Variants in FBXL7 observed in about 807,000 individuals in gnomAD.
The protein encoded by FBXL7 is F-box/LRR-repeat protein 7.
A neutral mutation model predicts 38.3 loss-of-function variants in FBXL7; 12 were observed. That is an observed-to-expected ratio of 0.31 (90% CI 0.20 to 0.51). The LOEUF (loss-of-function observed/expected upper bound fraction) is 0.51. Among genes scored for constraint, FBXL7 ranks in the 20% least tolerant of loss-of-function variants. The pLI, the probability that FBXL7 is intolerant of heterozygous loss-of-function variation, is 0.98. For synonymous variants in FBXL7, 297 were observed against 300.9 expected, an observed-to-expected ratio of 0.99 and a Z score of 0.13; for missense variants, 567 against 676.4, an observed-to-expected ratio of 0.84 and a Z score of 1.79.
intron 1 of FBXL7, among the ~76,000 whole-genome samples, chr5:15,550,342 T>G (rs1313691611): frequency 6.6e-6 from 1 of 152,178 alleles, no homozygotes; most frequent in Non-Finnish European, 1.5e-5. Context: ...TTTAACAGGC[T>G]CAGGTAGCTG....
intron 1 of FBXL7, among the ~76,000 whole-genome samples, chr5:15,563,644 T>C (rs1738480655): frequency 6.6e-6 from 1 of 152,088 alleles, no homozygotes; most frequent in East Asian, 1.9e-4. Context: ...CTAAAGAGTT[T>C]GCTCTTTCCA....
chr5:15,630,455 G>A (rs1051956297), intron 2 of FBXL7, among the ~76,000 whole-genome samples: 2 of 150,860 alleles, frequency 1.3e-5, no homozygotes, highest in African/African-American at 4.9e-5. Context: ...TGGCTGAATT[G>A]GTTTGTTTAA....
At chr5:15,534,105 G>A (rs538926353) in intron 1 of FBXL7, among the ~76,000 whole-genome samples, 21 of 152,178 alleles carry the variant, frequency 1.4e-4, no homozygotes, top group African/African-American at 3.4e-4. Context: ...CAGGCACAGC[G>A]TCCTGCACTG....
chr5:15,858,024 G>A (rs1739321561), intron 2 of FBXL7, among the ~76,000 whole-genome samples: 2 of 152,160 alleles, frequency 1.3e-5, no homozygotes, highest in African/African-American at 4.8e-5. Context: ...AGAAAATGTA[G>A]TATTCACCAG....
chr5:15,926,272 A>G (rs915763916), intron 2 of FBXL7, among the ~76,000 whole-genome samples: 2 of 150,060 alleles, frequency 1.3e-5, no homozygotes, highest in Non-Finnish European at 3.0e-5. Context: ...ATTACCATAT[A>G]TATCCAACGT....
intron 2 of FBXL7, among the ~76,000 whole-genome samples, chr5:15,703,180 A>C (rs911815694): frequency 6.6e-6 from 1 of 152,210 alleles, no homozygotes; most frequent in Non-Finnish European, 1.5e-5. Context: ...ACAAATGCTA[A>C]ATTTGGAGTA....
At chr5:15,699,795 C>A (rs561784872) in intron 2 of FBXL7, among the ~76,000 whole-genome samples, 1 of 152,168 alleles carries the variant, frequency 6.6e-6, no homozygotes, top group East Asian at 1.9e-4. Context: ...TATTATCCTT[C>A]GGTAGGAAAT....
chr5:15,812,565 G>A (rs998511494), intron 2 of FBXL7, among the ~76,000 whole-genome samples: 1 of 152,152 alleles, frequency 6.6e-6, no homozygotes, highest in Non-Finnish European at 1.5e-5. Flanking sequence ...CAGGTAGTAT[G>A]ATGCCTCCAG....
intron 2 of FBXL7, among the ~76,000 whole-genome samples, chr5:15,637,372 GACAA>G (rs1179857629): frequency 6.6e-6 from 1 of 152,106 alleles, no homozygotes; most frequent in East Asian, 1.9e-4. Context: ...AATGATCTAA[GACAA>G]ACAAGAATGA....
chr5:15,573,531 G>A (rs932238314), intron 1 of FBXL7, among the ~76,000 whole-genome samples: 2 of 152,188 alleles, frequency 1.3e-5, no homozygotes, highest in East Asian at 3.8e-4. Flanking sequence ...GATGTTGGCC[G>A]AAGAAGGGAT....
intron 3 of FBXL7, among the ~76,000 whole-genome samples, chr5:15,932,059 G>A (rs1742051009): frequency 6.6e-6 from 1 of 152,152 alleles, no homozygotes; most frequent in Non-Finnish European, 1.5e-5. Context: ...TTATGACATT[G>A]TAATTAAGTG....
chr5:15,888,558 C>A (rs995342145), intron 2 of FBXL7, among the ~76,000 whole-genome samples: 1 of 152,118 alleles, frequency 6.6e-6, no homozygotes, highest in Non-Finnish European at 1.5e-5. Flanking sequence ...CTTCCAGAAG[C>A]CACCGAGCTT....
intron 2 of FBXL7, among the ~76,000 whole-genome samples, chr5:15,633,788 T>G (rs1741078999): frequency 6.7e-6 from 1 of 149,346 alleles, no homozygotes; most frequent in Non-Finnish European, 1.5e-5. Flanking sequence ...TTTTATTATT[T>G]TATTATTTTG....
At chr5:15,870,607 A>G (rs1460919765) in intron 2 of FBXL7, among the ~76,000 whole-genome samples, 2 of 152,172 alleles carry the variant, frequency 1.3e-5, no homozygotes, top group Non-Finnish European at 2.9e-5. Flanking sequence ...TGCTGGGTAT[A>G]TTGACTATAA....
chr5:15,707,774 C>T (rs1347342840), intron 2 of FBXL7, among the ~76,000 whole-genome samples: 2 of 152,088 alleles, frequency 1.3e-5, no homozygotes, highest in African/African-American at 2.4e-5. Context: ...TGTGTATGCC[C>T]CAAATCACTT....
chr5:15,938,825 A>C lies in FBXL7; in HGVS notation c.*1639A>C, dbSNP rs992444901. ...AAGTCAGATAGCCAGAAGAAATTCC[A>C]TTGCTGGTTTTCACGAAATTCACTT... On this transcript the variant is annotated 3_prime_UTR_variant, in exon 4 of 4. Transcript: ENST00000504595. 2 of 396,262 alleles carry C rather than the reference A, an allele frequency of 5.0e-6. No individual in the cohort carries two copies. Among genetic ancestry groups the C allele is most frequent in the Non-Finnish European group, 8.9e-6 (2 of 225,164 alleles). 24.5% of individuals were successfully genotyped at this position (396,262 alleles called of 1,614,324 possible). A position where few individuals can be genotyped will look rare whatever the true frequency, so the allele number is the denominator to read the frequency against.
chr5:15,748,960 G>T (rs779279172), intron 2 of FBXL7, among the ~76,000 whole-genome samples: 5 of 152,124 alleles, frequency 3.3e-5, no homozygotes, highest in Non-Finnish European at 7.4e-5. Context: ...GATTTCAACA[G>T]TTAGCCTCGC....
intron 2 of FBXL7, among the ~76,000 whole-genome samples, chr5:15,672,852 G>A (rs1050921306): frequency 6.6e-6 from 1 of 151,372 alleles, no homozygotes; most frequent in African/African-American, 2.4e-5. Context: ...ACCACACCCG[G>A]CCTGTAATTT....
rs1742279402 is a variant in FBXL7, at chr5:15,939,190, A to G, written c.*2004A>G. 2.5e-6 allele frequency: 1 copy of G among 397,046 alleles called. No homozygotes were observed. Among genetic ancestry groups the G allele is most frequent in the Admixed American group, 4.4e-5 (1 of 22,700 alleles). The allele number at this position is 397,046 out of a possible 1,614,324, so 24.6% of individuals were successfully genotyped here. On this transcript the variant is annotated 3_prime_UTR_variant, in exon 4 of 4. Coordinates refer to ENST00000504595, the MANE Select transcript of FBXL7 (RefSeq NM_012304.5). Reference sequence around the variant, plus strand: ...ACATGTGTAATCAAGGCTCTGTGCCATGGGGGAAATGAATCATTTAGCTAG... The same window carrying G: ...ACATGTGTAATCAAGGCTCTGTGCCGTGGGGGAAATGAATCATTTAGCTAG...
Sources: gnomAD v4.1 joint callset for allele counts (sites outside exome capture counted in the v4.1 genomes callset) on GRCh38, gnomAD v4.1.1 for gene constraint, MANE v1.5 for transcripts, NCBI Gene and HGNC (gene_info 2026-07-23, HGNC 2026-07-21) for gene names.